Variants in PPP2R2C observed in about 807,000 individuals in gnomAD.
PPP2R2C encodes protein phosphatase 2 regulatory subunit Bgamma.
In PPP2R2C, 10 loss-of-function variants were observed where a neutral mutation model predicts 45.3. The observed-to-expected ratio is 0.22, with a 90% confidence interval of 0.14 to 0.37. The LOEUF (loss-of-function observed/expected upper bound fraction) is 0.37, where lower values mean the gene tolerates loss of function less well. Among genes scored for constraint, PPP2R2C ranks in the 10% least tolerant of loss-of-function variants. The pLI is 1.00. For synonymous variants in PPP2R2C, 257 were observed against 245.4 expected, an observed-to-expected ratio of 1.05 and a Z score of -0.44; for missense variants, 308 against 619.7, an observed-to-expected ratio of 0.50 and a Z score of 5.34.
rs1262254608 is a variant in PPP2R2C at position 6,472,337 on chromosome 4, G to T, written c.-108C>A. On this transcript the variant is annotated 5_prime_UTR_variant, in exon 1 of 9. Coordinates refer to ENST00000382599, the MANE Select transcript of PPP2R2C (RefSeq NM_020416.4). ...CATGCCGCCGCAGCCTAGCAGGGGC[G>T]CGGGCCGCCGGGGCCCCGAAGGGAG... 7.5e-7 allele frequency: 1 copy of T among 1,330,620 alleles called. No homozygotes were observed. The highest frequency in any genetic ancestry group is 1.5e-5 in the African/African-American group (1 of 65,856). The allele number at this position is 1,330,620 out of a possible 1,614,324, so 82.4% of individuals were successfully genotyped here.
chr4:6,520,591 T>A (rs1437930014), intron 2 of PPP2R2C, among the ~76,000 whole-genome samples: 1 of 152,178 alleles, frequency 6.6e-6, no homozygotes, highest in African/African-American at 2.4e-5. Flanking sequence ...GGCAGCCCTG[T>A]GTGATTCAAG....
At chr4:6,498,116 G>A (rs999684515) in intron 2 of PPP2R2C, among the ~76,000 whole-genome samples, 3 of 152,142 alleles carry the variant, frequency 2.0e-5, no homozygotes, top group Admixed American at 1.3e-4. Context: ...TGGGAGACAC[G>A]ATCGTGCAAA....
At chr4:6,450,553 T>C (rs1720683848) in intron 1 of PPP2R2C, among the ~76,000 whole-genome samples, 1 of 151,988 alleles carries the variant, frequency 6.6e-6, no homozygotes, top group Non-Finnish European at 1.5e-5. Flanking sequence ...TCCAAGTGAA[T>C]AATGAAGGAC....
At chr4:6,453,388 G>C (rs1720843746) in intron 1 of PPP2R2C, among the ~76,000 whole-genome samples, 1 of 152,118 alleles carries the variant, frequency 6.6e-6, no homozygotes, top group Non-Finnish European at 1.5e-5. Flanking sequence ...AGTATCCATG[G>C]CAACCCCCAG....
intron 2 of PPP2R2C, among the ~76,000 whole-genome samples, chr4:6,523,857 G>A (rs886374693): frequency 6.6e-6 from 1 of 152,180 alleles, no homozygotes; most frequent in Non-Finnish European, 1.5e-5. Context: ...GCAAAATGTG[G>A]TCCACTCATA....
chr4:6,374,386 T>C (rs1443061517), intron 4 of PPP2R2C, among the ~76,000 whole-genome samples: 1 of 152,124 alleles, frequency 6.6e-6, no homozygotes, highest in Non-Finnish European at 1.5e-5. Context: ...AAACCTTCCC[T>C]GAAGGTTTGG....
chr4:6,511,420 ATGGTGGTGATGG>A (rs1723468825), intron 2 of PPP2R2C, among the ~76,000 whole-genome samples: 1 of 82,024 alleles, frequency 1.2e-5, no homozygotes, highest in Non-Finnish European at 2.4e-5. Context: ...GGTGACAGTG[ATGGTGGTGATGG>A]TGGTGGTGAC....
chr4:6,537,526 A>G (rs1439515865), intron 1 of PPP2R2C, among the ~76,000 whole-genome samples: 2 of 151,886 alleles, frequency 1.3e-5, no homozygotes, highest in Non-Finnish European at 2.9e-5. Flanking sequence ...ACATGCTACA[A>G]TGTAGACGAA....
chr4:6,459,423 A>T (rs1380101388), intron 1 of PPP2R2C, among the ~76,000 whole-genome samples: 1 of 152,166 alleles, frequency 6.6e-6, no homozygotes, highest in African/African-American at 2.4e-5. Context: ...TCTTCTCATG[A>T]TTGTGGAATG....
chr4:6,444,978 G>A (rs58020592), intron 1 of PPP2R2C, among the ~76,000 whole-genome samples: 8 of 152,262 alleles, frequency 5.3e-5, no homozygotes, highest in African/African-American at 1.9e-4. Context: ...TCAGCCTAGG[G>A]GTTCCAGATC....
Position 6,436,079 on chromosome 4 carries a change from G to A in PPP2R2C, c.70+36081C>T, listed in dbSNP as rs144121640. On this transcript the variant is annotated intron_variant, in intron 1 of 8. Transcript: ENST00000382599. ...AGAGCTCCCTAGCCCCTTCTGCCAC[G>A]CAAGCACACAGCAAGAAGGCACCAT... 2.2e-4 allele frequency among the ~76,000 whole-genome samples: 34 copies of A among 152,254 alleles called. 1 individual carries two copies. The East Asian group carries it at 4.8e-3, about 22-fold the overall frequency.
rs12501278 is a variant in PPP2R2C at position 6,322,091 on chromosome 4, T to C, written c.*1211A>G. The C allele has an allele frequency of 0.58, 87,900 of 151,862 alleles. 26,228 individuals are homozygous for C. The highest frequency in any genetic ancestry group is 0.9 in the East Asian group (4,608 of 5,142). The allele number at this position is 151,862 out of a possible 1,614,324, so 9.4% of individuals were successfully genotyped here. A position where few individuals can be genotyped will look rare whatever the true frequency, so the allele number is the denominator to read the frequency against. On this transcript the variant is annotated 3_prime_UTR_variant, in exon 9 of 9. Coordinates refer to ENST00000382599, the MANE Select transcript of PPP2R2C (RefSeq NM_020416.4). This position sits in a 1 kb window ranked among gnomAD's most constrained non-coding sequence, Gnocchi z 7.8. ...CTTCCATCCTGCGTCTCAGTTCTCC[T>C]GGACCCTTGTCGTCGCCAAGTCTGC... is the stretch of plus-strand genomic sequence containing the variant.
intron 5 of PPP2R2C, among the ~76,000 whole-genome samples, chr4:6,356,282 G>A (rs1713181887): frequency 6.6e-6 from 1 of 152,200 alleles, no homozygotes; most frequent in African/African-American, 2.4e-5. Context: ...GGCTGGCTGG[G>A]TGGGACTAGC....
chr4:6,366,742 T>C (rs960556687), intron 5 of PPP2R2C, among the ~76,000 whole-genome samples: 3 of 151,992 alleles, frequency 2.0e-5, no homozygotes, highest in Admixed American at 6.5e-5. Flanking sequence ...GGATGGCGGA[T>C]GGCAGTGCTC....
chr4:6,505,644 T>C (rs1161320673), intron 2 of PPP2R2C, among the ~76,000 whole-genome samples: 2 of 152,206 alleles, frequency 1.3e-5, no homozygotes, highest in Non-Finnish European at 2.9e-5. Context: ...TAAAAGCTCA[T>C]AGATAAATTA....
intron 2 of PPP2R2C, among the ~76,000 whole-genome samples, chr4:6,500,677 G>T (rs750438609): frequency 2.0e-5 from 3 of 152,186 alleles, no homozygotes; most frequent in Non-Finnish European, 4.4e-5. Flanking sequence ...GGGTTCATTT[G>T]AGCCAAGTCC....
intron 5 of PPP2R2C, chr4:6,348,712 T>C: frequency 1.0e-6 from 1 of 985,272 alleles, no homozygotes; most frequent in Non-Finnish European, 1.2e-6. Flanking sequence ...AGAAGGAGCT[T>C]CTATCTGCTG....
chr4:6,345,526 G>A lies in PPP2R2C; in HGVS notation c.790+2320C>T, dbSNP rs573472047. Reference sequence around the variant, plus strand: ...AAGGCGATCACAAGGGCCTTTATACGCGAAAGACAGACAGGAGGGTCAGAG... The same window carrying A: ...AAGGCGATCACAAGGGCCTTTATACACGAAAGACAGACAGGAGGGTCAGAG... On this transcript the variant is annotated intron_variant, in intron 6 of 8. Transcript: ENST00000382599. This position sits in a 1 kb window ranked among gnomAD's most constrained non-coding sequence, Gnocchi z 5.3. Among the ~76,000 whole-genome samples the A allele has an allele frequency of 5.9e-5, 9 of 152,278 alleles. No homozygotes were observed. The South Asian group carries it at 6.2e-4, about 11-fold the overall frequency.
intron 2 of PPP2R2C, among the ~76,000 whole-genome samples, chr4:6,505,717 C>T (rs1320912309): frequency 1.3e-5 from 2 of 152,284 alleles, no homozygotes; most frequent in Non-Finnish European, 1.5e-5. Flanking sequence ...TGTCATCCCA[C>T]CACTTTGGGA....
Sources: allele counts gnomAD v4.1 joint callset (sites outside exome capture counted in the v4.1 genomes callset), GRCh38; gene constraint gnomAD v4.1.1; non-coding constraint Gnocchi (gnomAD v3.1); transcripts MANE v1.5; gene names NCBI Gene and HGNC (gene_info 2026-07-23, HGNC 2026-07-21).